The following CELSR1 variants were observed in gnomAD, a reference collection of about 807,000 sequenced individuals.
The protein encoded by CELSR1 is cadherin EGF LAG seven-pass G-type receptor 1, also known as adhesion G protein-coupled receptor C1.
A neutral mutation model predicts 249.1 loss-of-function variants in CELSR1; 110 were observed. The observed-to-expected ratio is 0.44, with a 90% CI of 0.38 to 0.52. The LOEUF (loss-of-function observed/expected upper bound fraction) is 0.52, where lower values mean the gene tolerates loss of function less well. Ranked by LOEUF, CELSR1 falls within the 20% of genes least tolerant of loss-of-function variation. CELSR1 has a pLI of 0.00. For synonymous variants in CELSR1, 2,113 were observed against 1,900.0 expected (o/e 1.11, Z -2.92); for missense variants, 4,109 against 4,296.4 (o/e 0.96, Z 1.22).
At chr22:46,503,265 C>T (rs950081196) in intron 1 of CELSR1, among the ~76,000 whole-genome samples, 4 of 152,238 alleles carry the variant, frequency 2.6e-5, no homozygotes, top group Admixed American at 1.3e-4. Context: ...GGCAGCAGAC[C>T]CTTTGCTGGG....
rs986799922 is a variant in CELSR1 at position 46,397,611 on chromosome 22, C to T, written c.5701+63G>A. On this transcript the variant is annotated intron_variant, in intron 12 of 34. Transcript: ENST00000674500. ...ACGCTAATGTCTAAACTGAGCCCCC[C>T]TCCTGTGTTTCAGCCATAAGAGACC... 3.5e-5 allele frequency: 47 copies of T among 1,354,538 alleles called. No homozygotes were observed. In the South Asian group the frequency reaches 8.1e-4, roughly 23 times the overall value. The allele number at this position is 1,354,538 out of a possible 1,614,324, so 83.9% of individuals were successfully genotyped here. A position where few individuals can be genotyped will look rare whatever the true frequency, so the allele number is the denominator to read the frequency against.
Position 46,537,470 on chromosome 22 carries a change from G to T in CELSR1, c.-300C>A, listed in dbSNP as rs1164383312. Among the ~76,000 whole-genome samples, 1 of 149,384 alleles carries T rather than the reference G, an allele frequency of 6.7e-6. No individual in the cohort carries two copies. The highest frequency in any genetic ancestry group is 1.5e-5 in the Non-Finnish European group (1 of 67,182). ...TGCGGCGGCGGCGGCGGCTCCAGGCGGCTCCAGGTGGCTCCGGCGCGGGCT... is the reference window on the plus strand; with the variant it reads ...TGCGGCGGCGGCGGCGGCTCCAGGCTGCTCCAGGTGGCTCCGGCGCGGGCT... On this transcript the variant is annotated 5_prime_UTR_variant, in exon 1 of 35. Coordinates refer to ENST00000674500, the MANE Select transcript of CELSR1 (RefSeq NM_001378328.1). This position sits in a 1 kb window ranked among gnomAD's most constrained non-coding sequence, Gnocchi z 5.8.
chr22:46,382,566 G>T (rs182829892), intron 20 of CELSR1, among the ~76,000 whole-genome samples: 1 of 152,114 alleles, frequency 6.6e-6, no homozygotes, highest in African/African-American at 2.4e-5. Flanking sequence ...GTGAGCCACC[G>T]CGCCCGGCCT....
chr22:46,480,303 A>T (rs2080253928), intron 1 of CELSR1, among the ~76,000 whole-genome samples: 1 of 152,160 alleles, frequency 6.6e-6, no homozygotes, highest in Non-Finnish European at 1.5e-5. Context: ...CTCACCTCCC[A>T]AGAAGAGGTC....
chr22:46,394,067 T>C, intron 14 of CELSR1, 75 bp downstream of exon 14: 1 of 1,551,220 alleles, frequency 6.4e-7, no homozygotes, highest in Admixed American at 1.8e-5. Flanking sequence ...TGTGAAGGCG[T>C]GTGTGTATTT....
At chr22:46,438,266 C>A (rs538875877) in intron 3 of CELSR1, among the ~76,000 whole-genome samples, 2 of 152,238 alleles carry the variant, frequency 1.3e-5, no homozygotes, top group South Asian at 4.2e-4. Flanking sequence ...GAGCCCGGAG[C>A]CCACTTGGGA....
chr22:46,439,704 C>A (rs1358227677), intron 2 of CELSR1, among the ~76,000 whole-genome samples: 1 of 152,146 alleles, frequency 6.6e-6, no homozygotes, highest in African/African-American at 2.4e-5. Flanking sequence ...CAGCAATGAG[C>A]CCTTCCCAGC....
In CELSR1 at chr22:46,396,947, G is replaced by A. The variant is rs1247780726; in HGVS notation, c.5702-201C>T. On this transcript the variant is annotated intron_variant, in intron 12 of 34. Coordinates refer to ENST00000674500, the MANE Select transcript of CELSR1 (RefSeq NM_001378328.1). This position sits in a 1 kb window ranked among gnomAD's most constrained non-coding sequence, Gnocchi z 6.4. ...GTGATGCAGAGAGGAAGGCCTTCCC[G>A]GGCTGCCCCAAGGAGGGTGAGAGCC... 1.3e-5 allele frequency among the ~76,000 whole-genome samples: 2 copies of A among 152,092 alleles called. No homozygotes were observed. The highest frequency in any genetic ancestry group is 1.5e-5 in the Non-Finnish European group (1 of 68,024).
intron 28 of CELSR1, 108 bp from the exon 29 acceptor site, chr22:46,367,226 C>G (rs148332915): frequency 2.1e-6 from 3 of 1,403,486 alleles, no homozygotes; most frequent in South Asian, 2.8e-5. Context: ...ACAACATGTC[C>G]GGCCACACGG....
intron 1 of CELSR1, among the ~76,000 whole-genome samples, chr22:46,508,743 T>C (rs1363550694): frequency 6.6e-6 from 1 of 152,150 alleles, no homozygotes; most frequent in African/African-American, 2.4e-5. Flanking sequence ...AATGAATATG[T>C]TAAACAGTTT....
At chr22:46,505,444 G>A (rs2080506218) in intron 1 of CELSR1, among the ~76,000 whole-genome samples, 2 of 151,882 alleles carry the variant, frequency 1.3e-5, no homozygotes, top group African/African-American at 4.8e-5. Flanking sequence ...AACCAGCCTG[G>A]GCAACACAGC....
chr22:46,529,139 AC>A (rs1310929292), intron 1 of CELSR1, among the ~76,000 whole-genome samples: 1 of 142,712 alleles, frequency 7.0e-6, no homozygotes, highest in Non-Finnish European at 1.5e-5. Context: ...GGTGGCGGGT[AC>A]CTGTAGTCCC....
intron 1 of CELSR1, among the ~76,000 whole-genome samples, chr22:46,528,539 C>T (rs575780097): frequency 6.6e-6 from 1 of 152,376 alleles, no homozygotes; most frequent in Admixed American, 6.5e-5. Context: ...CCCACGGACA[C>T]ACACTCAAAG....
intron 1 of CELSR1, among the ~76,000 whole-genome samples, chr22:46,532,017 C>A (rs1336650049): frequency 6.6e-6 from 1 of 152,156 alleles, no homozygotes; most frequent in East Asian, 1.9e-4. Context: ...AAGCTGCGCC[C>A]CAGGTGAGAC....
chr22:46,437,752 CA>C lies in CELSR1; in HGVS notation c.4406+1436del, dbSNP rs766527669. On this transcript the variant is annotated intron_variant, in intron 3 of 34. Coordinates refer to ENST00000674500, the MANE Select transcript of CELSR1 (RefSeq NM_001378328.1). This position sits in a 1 kb window ranked among gnomAD's most constrained non-coding sequence, Gnocchi z 4.9. ...CTGGCAACAAAGCAAGACTCCGTCTCAAAAAAAAAAAAAAAACTGATGGTTC... is the reference window on the plus strand; with the variant it reads ...CTGGCAACAAAGCAAGACTCCGTCTCAAAAAAAAAAAAAAACTGATGGTTC... 0.014 allele frequency among the ~76,000 whole-genome samples: 1,556 copies of C among 110,980 alleles called. 29 individuals carry two copies. Among genetic ancestry groups the C allele is most frequent in the African/African-American group, 0.046 (1,355 of 29,458 alleles). The allele number at this position is 110,980 out of a possible 152,430, so 72.8% of individuals were successfully genotyped here. A position where few individuals can be genotyped will look rare whatever the true frequency, so the allele number is the denominator to read the frequency against.
At chr22:46,461,334 T>C (rs796438480) in intron 2 of CELSR1, among the ~76,000 whole-genome samples, 90 of 152,318 alleles carry the variant, frequency 5.9e-4, no homozygotes, top group African/African-American at 2.2e-3. Flanking sequence ...CCCCAGTCAT[T>C]AGTTTTCTAA....
At chr22:46,456,908 G>A (rs1336377086) in intron 2 of CELSR1, among the ~76,000 whole-genome samples, 2 of 149,224 alleles carry the variant, frequency 1.3e-5, no homozygotes, top group Non-Finnish European at 1.5e-5. Context: ...GGGGGTGGGG[G>A]GCTCATACAG....
chr22:46,452,774 C>T (rs1423584079), intron 2 of CELSR1, among the ~76,000 whole-genome samples: 1 of 152,236 alleles, frequency 6.6e-6, no homozygotes, highest in Non-Finnish European at 1.5e-5. Context: ...GCCCAGCCAA[C>T]ACTTCCTGGT....
At chr22:46,494,155 G>A (rs2080392927) in intron 1 of CELSR1, among the ~76,000 whole-genome samples, 1 of 152,044 alleles carries the variant, frequency 6.6e-6, no homozygotes. Context: ...TGTTTTCTGG[G>A]CTCTCTCTTC....
Sources: gnomAD v4.1 joint callset for allele counts (sites outside exome capture counted in the v4.1 genomes callset) on GRCh38, gnomAD v4.1.1 for gene constraint, Gnocchi (gnomAD v3.1) non-coding constraint, MANE v1.5 for transcripts, NCBI Gene and HGNC (gene_info 2026-07-23, HGNC 2026-07-21) for gene names.